DOCK6: variants seen among roughly 807,000 people sequenced by gnomAD.
DOCK6 encodes dedicator of cytokinesis 6.
In DOCK6, 167 loss-of-function variants were observed where a neutral mutation model predicts 230.3. The ratio of observed to expected loss-of-function variants is 0.73; its 90% confidence interval spans 0.64 to 0.82. The LOEUF (loss-of-function observed/expected upper bound fraction) is 0.82, where lower values mean the gene tolerates loss of function less well. DOCK6 is among the 40% of genes least tolerant of loss of function. The probability of loss-of-function intolerance (pLI) is 0.00; values close to 1 mark genes in which losing one functional copy is unlikely to be tolerated. For synonymous variants in DOCK6, 1,148 were observed against 1,185.0 expected (o/e 0.97, Z 0.64); for missense variants, 2,598 against 2,825.8 (o/e 0.92, Z 1.83).
In DOCK6 at chr19:11,252,570, G is replaced by A. The variant is rs758285585; in HGVS notation, c.309-20C>T. On this transcript the variant is annotated intron_variant, in intron 3 of 47. Transcript: ENST00000294618. ...AGTTTTCTGCAGCAAAAGAAGATCA[G>A]GGTAAACAGAGACAAGGCCTCTGTG... is the stretch of plus-strand genomic sequence containing the variant. 4 of 1,613,748 alleles carry A rather than the reference G, an allele frequency of 2.5e-6. No individual in the cohort carries two copies. The African/African-American group carries it at 4.0e-5, about 16-fold the overall frequency.
rs764405119 is a variant in DOCK6 at position 11,202,361 on chromosome 19, C to G, written c.5451+33G>C. ...AACAGCACTTGGAGTCTCTGTGAATCTAAGATTTTGGGGAAATGGTTGGGG... is the reference window on the plus strand; with the variant it reads ...AACAGCACTTGGAGTCTCTGTGAATGTAAGATTTTGGGGAAATGGTTGGGG... On this transcript the variant is annotated intron_variant, in intron 43 of 47. Transcript: ENST00000294618. The surrounding 1 kb of genome is among the most constrained non-coding windows in gnomAD (Gnocchi z 5.3). 1.0e-5 allele frequency: 16 copies of G among 1,605,094 alleles called. No individual in the cohort carries two copies. The Admixed American group carries it at 2.6e-4, about 26-fold the overall frequency.
chr19:11,242,133 T>C lies in DOCK6; in HGVS notation c.1555A>G (p.Lys519Glu). The change falls in exon 14 of 48, where the codon AAG (lysine) becomes GAG (glutamate). Residue 519 changes from lysine (K) to glutamate (E), a missense_variant. Coordinates refer to ENST00000294618, the MANE Select transcript of DOCK6 (RefSeq NM_020812.4). ...FCLSPELLHI[K>E]PYPDPRGRPT... ...CGGCCCCTGGGGTCCGGGTAGGGCT[T>C]GATATGAAGCAGCTCAGGGGAGAGG... 1 of 1,505,086 alleles carries C rather than the reference T, an allele frequency of 6.6e-7. No individual in the cohort carries two copies. The highest frequency in any genetic ancestry group is 8.9e-7 in the Non-Finnish European group (1 of 1,129,678). The allele number at this position is 1,505,086 out of a possible 1,614,324, so 93.2% of individuals were successfully genotyped here. A position where few individuals can be genotyped will look rare whatever the true frequency, so the allele number is the denominator to read the frequency against.
chr19:11,241,665 A>G, intron 14 of DOCK6: 6 of 1,581,524 alleles, frequency 3.8e-6, no homozygotes, highest in Non-Finnish European at 5.2e-6. Flanking sequence ...CCCAGACTCC[A>G]CACAGCGGCG....
chr19:11,247,258 T>C (rs2080049559), intron 7 of DOCK6: 1 of 151,784 alleles, frequency 6.6e-6, no homozygotes, highest in African/African-American at 2.4e-5. Flanking sequence ...CTGGCTAATT[T>C]TTTTTTTTTT....
intron 16 of DOCK6, 28 bp downstream of exon 16, chr19:11,238,017 C>T (rs1418812519): frequency 6.2e-7 from 1 of 1,612,968 alleles, no homozygotes; most frequent in Admixed American, 1.7e-5. Context: ...TGAGTGCCCC[C>T]AAGTTCCTCA....
At position 11,223,119 on chromosome 19, in the gene DOCK6, G is replaced by A; in HGVS notation, c.2956-13C>T. ...CCAGCTCCACATCCTGGGGACACAGGTGCCTGTCAACCCACACACCCAAAC... is the reference window on the plus strand; with the variant it reads ...CCAGCTCCACATCCTGGGGACACAGATGCCTGTCAACCCACACACCCAAAC... On this transcript the variant is annotated splice_polypyrimidine_tract_variant and intron_variant, in intron 24 of 47. Transcript: ENST00000294618. The A allele has an allele frequency of 2.5e-6, 4 of 1,610,392 alleles. No homozygotes were observed. The highest frequency in any genetic ancestry group is 3.4e-6 in the Non-Finnish European group (4 of 1,177,884).
chr19:11,199,660 C>T, intron 47 of DOCK6, 121 bp from the exon 48 acceptor site: 1 of 1,079,728 alleles, frequency 9.3e-7, no homozygotes, highest in Non-Finnish European at 1.4e-6. Context: ...TGGGATCTCT[C>T]CTGTCCCTGA....
intron 39 of DOCK6, among the ~76,000 whole-genome samples, chr19:11,206,847 T>C (rs913489209): frequency 6.6e-6 from 1 of 151,384 alleles, no homozygotes; most frequent in South Asian, 2.1e-4. Context: ...TTTTTTTTTT[T>C]GTTTTTTGTT....
chr19:11,203,583 A>G, intron 41 of DOCK6: 1 of 160,342 alleles, frequency 6.2e-6, no homozygotes, highest in Non-Finnish European at 1.4e-5. Context: ...AATAGACCTA[A>G]GCAGGGAAGA....
At position 11,217,277 on chromosome 19, in the gene DOCK6, G is replaced by A. The variant is rs1276228852; in HGVS notation, c.3665C>T (p.Pro1222Leu). 2.5e-6 allele frequency: 4 copies of A among 1,612,818 alleles called. No homozygotes were observed. The highest frequency in any genetic ancestry group is 3.4e-6 in the Non-Finnish European group (4 of 1,179,662). ...PSVAMAIAGG[P>L]LAPGSRASIS... is the part of the protein sequence containing the mutation. ...GCTGGCCCGGGAGCCAGGGGCTAGG[G>A]GGCCACCAGCAATGGCCATGGCCAC... is the stretch of plus-strand genomic sequence containing the variant. Residue 1222 changes from proline (P) to leucine (L), a missense_variant, in exon 29 of 48, where the codon CCC becomes CTC. Pro to Leu is a moderately conservative substitution (Grantham distance 98). Coordinates refer to ENST00000294618, the MANE Select transcript of DOCK6 (RefSeq NM_020812.4).
At position 11,202,525 on chromosome 19, in the gene DOCK6, C is replaced by T. The variant is rs932866737; in HGVS notation, c.5362-42G>A. 13 of 1,613,604 alleles carry T rather than the reference C, an allele frequency of 8.1e-6. No individual in the cohort carries two copies. The African/African-American group carries it at 1.2e-4, about 15-fold the overall frequency. On this transcript the variant is annotated intron_variant, in intron 42 of 47. Transcript: ENST00000294618. This position sits in a 1 kb window ranked among gnomAD's most constrained non-coding sequence, Gnocchi z 5.3. ...GACTCGGGGCCACCCAGGGACAGCC[C>T]CTACTCCAGCCCCAAGGCAGCCCCA...
intron 39 of DOCK6, among the ~76,000 whole-genome samples, chr19:11,205,651 A>G (rs891207974): frequency 3.3e-5 from 5 of 151,110 alleles, no homozygotes; most frequent in African/African-American, 1.2e-4. Flanking sequence ...CCATATTTGT[A>G]TTTTTAGTAG....
At chr19:11,203,013 C>T (rs141318758) in intron 41 of DOCK6, among the ~76,000 whole-genome samples, 349 of 152,284 alleles carry the variant, frequency 2.3e-3, no homozygotes, top group Non-Finnish European at 4.4e-3. Flanking sequence ...GATGGAGGCT[C>T]TGCCTCCTTT....
At chr19:11,245,173 A>C (rs912423675) in intron 9 of DOCK6, among the ~76,000 whole-genome samples, 5 of 152,172 alleles carry the variant, frequency 3.3e-5, no homozygotes, top group African/African-American at 1.2e-4. Flanking sequence ...TTGCAAACTA[A>C]TAGAAGGTTT....
intron 9 of DOCK6, among the ~76,000 whole-genome samples, chr19:11,244,664 G>A (rs918387261): frequency 6.6e-6 from 1 of 151,778 alleles, no homozygotes; most frequent in Non-Finnish European, 1.5e-5. Flanking sequence ...TTTCACCATT[G>A]GTCAGGCTGG....
chr19:11,222,872 C>A lies in DOCK6; in HGVS notation c.3103G>T (p.Ala1035Ser), dbSNP rs1443660493. 6.2e-7 allele frequency: 1 copy of A among 1,607,138 alleles called. No homozygotes were observed. The highest frequency in any genetic ancestry group is 1.1e-5 in the South Asian group (1 of 90,076). Residue 1035 changes from alanine to serine, a missense_variant, in exon 26 of 48, where the codon GCA becomes TCA. By Grantham distance (99) the Ala-to-Ser change is moderately conservative (BLOSUM62 1). Coordinates refer to ENST00000294618, the MANE Select transcript of DOCK6 (RefSeq NM_020812.4). The surrounding 1 kb of genome is among the most constrained non-coding windows in gnomAD (Gnocchi z 4.0). ...ATRLQSSPNP[A>S]ALLTLRMEFT... ...TCCATGCGCAGGGTCAGCAGGGCTGCTGGATTAGGGGACGACTGGAGCCGC... is the reference window on the plus strand; with the variant it reads ...TCCATGCGCAGGGTCAGCAGGGCTGATGGATTAGGGGACGACTGGAGCCGC...
At position 11,222,636 on chromosome 19, in the gene DOCK6, T is replaced by G; in HGVS notation, c.3240+99A>C. 7.8e-7 allele frequency: 1 copy of G among 1,279,746 alleles called. No homozygotes were observed. The allele number at this position is 1,279,746 out of a possible 1,614,324, so 79.3% of individuals were successfully genotyped here. The stretch of plus-strand genomic sequence containing the variant: ...AGGGATTAGTTCACCTAGGCAGTGG[T>G]CCACCGTGAAAGGGACAGAGATGAG... On this transcript the variant is annotated intron_variant, in intron 26 of 47. Coordinates refer to ENST00000294618, the MANE Select transcript of DOCK6 (RefSeq NM_020812.4). The surrounding 1 kb of genome is among the most constrained non-coding windows in gnomAD (Gnocchi z 4.0).
In DOCK6 at chr19:11,214,426, C is replaced by G. The variant is rs1007744718; in HGVS notation, c.4204-17G>C. On this transcript the variant is annotated splice_polypyrimidine_tract_variant and intron_variant, in intron 33 of 47. Transcript: ENST00000294618. ...CATCACCGTCTGGAGGGAAGGGGGTCAGAAATCCAGGTGTTAGAGCCTAGG... is the reference window on the plus strand; with the variant it reads ...CATCACCGTCTGGAGGGAAGGGGGTGAGAAATCCAGGTGTTAGAGCCTAGG... The G allele has an allele frequency of 7.4e-6, 12 of 1,613,448 alleles. No individual in the cohort carries two copies. The African/African-American group carries it at 1.3e-4, about 18-fold the overall frequency.
At chr19:11,255,424 C>A (rs1368278406) in intron 1 of DOCK6, among the ~76,000 whole-genome samples, 1 of 151,908 alleles carries the variant, frequency 6.6e-6, no homozygotes, top group Non-Finnish European at 1.5e-5. Context: ...CCTCCCACCT[C>A]AGCCTCAGCC....
Sources: allele counts gnomAD v4.1 joint callset (sites outside exome capture counted in the v4.1 genomes callset), GRCh38; gene constraint gnomAD v4.1.1; non-coding constraint Gnocchi (gnomAD v3.1); transcripts MANE v1.5; gene names NCBI Gene and HGNC (gene_info 2026-07-23, HGNC 2026-07-21).